The following PDE7B variants were observed in gnomAD, a reference collection of about 807,000 sequenced individuals.
PDE7B encodes the protein 3',5'-cyclic-AMP phosphodiesterase 7B.
A neutral mutation model predicts 56.2 loss-of-function variants in PDE7B; 29 were observed. The observed-to-expected ratio is 0.52, with a 90% CI of 0.38 to 0.70. The LOEUF (loss-of-function observed/expected upper bound fraction) is 0.70, where lower values mean the gene tolerates loss of function less well. PDE7B is among the 30% of genes least tolerant of loss of function. The pLI, the probability that PDE7B is intolerant of heterozygous loss-of-function variation, is 0.00. For missense variants in PDE7B, 490 were observed against 565.0 expected, an observed-to-expected ratio of 0.87 and a Z score of 1.35; for synonymous variants, 197 against 196.9, an observed-to-expected ratio of 1.00 and a Z score of 0.00.
chr6:135,961,748 CTG>C (rs1026617222), intron 2 of PDE7B, among the ~76,000 whole-genome samples: 5 of 152,146 alleles, frequency 3.3e-5, no homozygotes, highest in Non-Finnish European at 5.9e-5. Flanking sequence ...TAAATAAAAA[CTG>C]TTTTCTGTCG....
At chr6:136,169,904 G>A (rs114077835) in intron 8 of PDE7B, among the ~76,000 whole-genome samples, 1 of 152,116 alleles carries the variant, frequency 6.6e-6, no homozygotes, top group African/African-American at 2.4e-5. Flanking sequence ...GGTAAATAAA[G>A]AATAATGACT....
intron 2 of PDE7B, among the ~76,000 whole-genome samples, chr6:136,063,433 C>G (rs1026951804): frequency 2.0e-5 from 3 of 152,216 alleles, no homozygotes; most frequent in African/African-American, 7.2e-5. Flanking sequence ...CCATCCGTAT[C>G]CTTCTGACCA....
At chr6:136,059,009 T>C (rs1383393) in intron 2 of PDE7B, among the ~76,000 whole-genome samples, 103,874 of 152,070 alleles carry the variant, frequency 0.68, 35,735 homozygotes, top group East Asian at 0.77. Flanking sequence ...TATGTCTTTT[T>C]AGATGCATGA....
At chr6:135,968,247 G>A (rs1054679364) in intron 2 of PDE7B, among the ~76,000 whole-genome samples, 1 of 152,110 alleles carries the variant, frequency 6.6e-6, no homozygotes, top group Non-Finnish European at 1.5e-5. Context: ...ATAGGCACGG[G>A]CAAAGATTTC....
At chr6:136,151,022 C>T (rs1418315560) in intron 5 of PDE7B, 138 bp from the exon 6 acceptor site, 3 of 572,144 alleles carry the variant, frequency 5.2e-6, no homozygotes, top group Non-Finnish European at 9.2e-6. Flanking sequence ...ATGCTCTATC[C>T]TTGAATAATT....
chr6:136,087,770 T>C (rs1018555933), intron 2 of PDE7B, among the ~76,000 whole-genome samples: 4 of 152,226 alleles, frequency 2.6e-5, no homozygotes, highest in Admixed American at 1.3e-4. Context: ...TGTATATACA[T>C]AGTCCTACTT....
intron 3 of PDE7B, among the ~76,000 whole-genome samples, chr6:136,123,094 C>CTAAAGCCTG (rs33954835): frequency 4.6e-5 from 7 of 152,206 alleles, no homozygotes; most frequent in African/African-American, 1.7e-4. Flanking sequence ...GGTGCGGTGG[C>CTAAAGCCTG]TAATCCCGCA....
intron 4 of PDE7B, among the ~76,000 whole-genome samples, chr6:136,148,474 C>A (rs187304623): frequency 6.9e-6 from 1 of 145,928 alleles, no homozygotes; most frequent in South Asian, 2.1e-4. Flanking sequence ...GGAAGGAAGG[C>A]AGGCAGGCAG....
chr6:135,882,299 G>C (rs1167651745), intron 1 of PDE7B, among the ~76,000 whole-genome samples: 1 of 152,118 alleles, frequency 6.6e-6, no homozygotes, highest in African/African-American at 2.4e-5. Flanking sequence ...GTTACTGACA[G>C]CGCTAAAATA....
chr6:136,088,998 A>C (rs1433207653), intron 2 of PDE7B, among the ~76,000 whole-genome samples: 1 of 151,828 alleles, frequency 6.6e-6, no homozygotes, highest in Non-Finnish European at 1.5e-5. Flanking sequence ...CCCCCGCCAA[A>C]AAAAAAAAGA....
intron 2 of PDE7B, among the ~76,000 whole-genome samples, chr6:136,057,079 G>C (rs529981144): frequency 5.9e-5 from 9 of 152,242 alleles, no homozygotes; most frequent in Admixed American, 2.0e-4. Flanking sequence ...ACTGCATTGT[G>C]GTGCGATTGT....
Position 136,195,242 on chromosome 6 carries a change from C to T in PDE7B, c.*3402C>T, listed in dbSNP as rs1235426529. On this transcript the variant is annotated 3_prime_UTR_variant, in exon 13 of 13. Transcript: ENST00000308191. ...TTATTTCTCCCTGCTTATGGCTCCC[C>T]GCAAAGGGACTTGCAGCGTGTCCTG... 3 of 152,052 alleles carry T rather than the reference C, an allele frequency of 2.0e-5. No individual in the cohort carries two copies. Among genetic ancestry groups the T allele is most frequent in the South Asian group, 2.1e-4 (1 of 4,824 alleles). 9.4% of individuals were successfully genotyped at this position (152,052 alleles called of 1,614,324 possible).
intron 2 of PDE7B, among the ~76,000 whole-genome samples, chr6:136,053,279 A>G (rs1368068862): frequency 1.5e-5 from 2 of 135,926 alleles, no homozygotes; most frequent in African/African-American, 5.6e-5. Context: ...TTATTGTTCA[A>G]TTCCCACCCA....
chr6:136,074,403 A>T (rs1777099154), intron 2 of PDE7B, among the ~76,000 whole-genome samples: 1 of 152,210 alleles, frequency 6.6e-6, no homozygotes, highest in South Asian at 2.1e-4. Flanking sequence ...TATCTATCAC[A>T]TCAAGCATTT....
chr6:136,153,174 G>A (rs1026508187), intron 6 of PDE7B, among the ~76,000 whole-genome samples: 2 of 152,274 alleles, frequency 1.3e-5, no homozygotes, highest in South Asian at 4.1e-4. Flanking sequence ...AAATAATTTT[G>A]ATTTGTCTGA....
At chr6:136,068,727 G>A (rs1776993846) in intron 2 of PDE7B, among the ~76,000 whole-genome samples, 1 of 152,044 alleles carries the variant, frequency 6.6e-6, no homozygotes, top group Non-Finnish European at 1.5e-5. Context: ...CACCGTGCCC[G>A]GCCTTCAAGA....
intron 2 of PDE7B, among the ~76,000 whole-genome samples, chr6:135,960,621 C>T (rs1774883000): frequency 6.6e-6 from 1 of 152,152 alleles, no homozygotes; most frequent in South Asian, 2.1e-4. Flanking sequence ...TGAAATACAG[C>T]TTAAATTCTG....
chr6:135,912,711 T>C (rs1776233770), intron 1 of PDE7B, among the ~76,000 whole-genome samples: 1 of 152,116 alleles, frequency 6.6e-6, no homozygotes, highest in Non-Finnish European at 1.5e-5. Context: ...TTTAGGAGAA[T>C]AGTGACAGTT....
At chr6:136,041,676 T>A (rs922052480) in intron 2 of PDE7B, among the ~76,000 whole-genome samples, 74 of 152,272 alleles carry the variant, frequency 4.9e-4, no homozygotes, top group African/African-American at 1.5e-3. Context: ...CTGGAAGTTA[T>A]CAGCATGCTT....
Sources: allele counts gnomAD v4.1 joint callset (sites outside exome capture counted in the v4.1 genomes callset), GRCh38; gene constraint gnomAD v4.1.1; transcripts MANE v1.5; gene names NCBI Gene and HGNC (gene_info 2026-07-23, HGNC 2026-07-21).